Variants in HTR2C observed in about 807,000 individuals in gnomAD.
The protein encoded by HTR2C is 5-hydroxytryptamine (serotonin) receptor 2C, G protein-coupled.
In HTR2C, 5 loss-of-function variants were observed where a neutral mutation model predicts 21.0. The ratio of observed to expected loss-of-function variants is 0.24; its 90% CI spans 0.12 to 0.50. The LOEUF is 0.50. Ranked by LOEUF, HTR2C falls within the 20% of genes least tolerant of loss-of-function variation. The pLI is 0.98. For synonymous variants in HTR2C, 150 were observed against 145.3 expected (o/e 1.03, Z -0.23); for missense variants, 271 against 371.2 (o/e 0.73, Z 2.22).
At chrX:114,725,942 T>C (rs1175541809) in intron 2 of HTR2C, among the ~76,000 whole-genome samples, 1 of 108,739 alleles carries the variant, frequency 9.2e-6, no homozygotes, top group Non-Finnish European at 1.9e-5. Context: ...GACATTTAAG[T>C]CTGCAGAGGT....
At chrX:114,737,761 T>G (rs1479628280) in intron 4 of HTR2C, among the ~76,000 whole-genome samples, 2 of 111,523 alleles carry the variant, frequency 1.8e-5, no homozygotes, top group East Asian at 5.7e-4. Context: ...CCATGAGATG[T>G]AAAAGGAAAC....
intron 4 of HTR2C, among the ~76,000 whole-genome samples, chrX:114,778,755 A>G (rs1475514374): frequency 9.0e-6 from 1 of 111,297 alleles, no homozygotes; most frequent in African/African-American, 3.3e-5. Context: ...ATAGAAACAG[A>G]GCTATCTAGA....
intron 1 of HTR2C, among the ~76,000 whole-genome samples, chrX:114,604,335 G>A (rs1347952264): frequency 9.0e-6 from 1 of 110,538 alleles, no homozygotes; most frequent in Non-Finnish European, 1.9e-5. Flanking sequence ...TATTGTCTAA[G>A]TTGGCACCAG....
At chrX:114,719,991 C>T (rs185587424) in intron 2 of HTR2C, among the ~76,000 whole-genome samples, 42 of 111,600 alleles carry the variant, frequency 3.8e-4, no homozygotes, top group Non-Finnish European at 3.8e-4. Flanking sequence ...TATTGAAAAT[C>T]ATTTTAATAC....
At chrX:114,659,810 T>C (rs1211033546) in intron 2 of HTR2C, among the ~76,000 whole-genome samples, 2 of 111,536 alleles carry the variant, frequency 1.8e-5, no homozygotes, top group African/African-American at 6.5e-5. Flanking sequence ...GATAGTTATC[T>C]TCCAATGATA....
intron 4 of HTR2C, among the ~76,000 whole-genome samples, chrX:114,733,919 A>G (rs1197843990): frequency 3.6e-5 from 4 of 111,189 alleles, no homozygotes; most frequent in Admixed American, 1.9e-4. Flanking sequence ...TTTGATGAAC[A>G]TTCCCTCCAA....
At chrX:114,812,759 A>C (rs928972056) in intron 4 of HTR2C, among the ~76,000 whole-genome samples, 90 of 110,378 alleles carry the variant, frequency 8.2e-4, no homozygotes, top group African/African-American at 2.8e-3. Context: ...CAAACAAAAA[A>C]AAAAACAAAA....
intron 2 of HTR2C, among the ~76,000 whole-genome samples, chrX:114,706,459 A>G (rs1193745260): frequency 9.3e-5 from 1 of 10,807 alleles, no homozygotes; most frequent in East Asian, 0.083. Context: ...ATTGCAAGGA[A>G]AAAAAACCAA....
chrX:114,837,151 T>G (rs782537990), intron 4 of HTR2C, among the ~76,000 whole-genome samples: 1 of 112,360 alleles, frequency 8.9e-6, no homozygotes, highest in Non-Finnish European at 1.9e-5. Context: ...ATTTTCTCCT[T>G]ATTTGTTTAC....
chrX:114,852,845 G>A (rs781806377), intron 5 of HTR2C, among the ~76,000 whole-genome samples: 4 of 109,651 alleles, frequency 3.6e-5, no homozygotes, highest in South Asian at 3.9e-4. Flanking sequence ...TTGTGTGCGC[G>A]CGCGCGTGCA....
chrX:114,762,649 T>C (rs2069892380), intron 4 of HTR2C, among the ~76,000 whole-genome samples: 1 of 112,044 alleles, frequency 8.9e-6, no homozygotes, highest in Non-Finnish European at 1.9e-5. Flanking sequence ...GAATTTTGCC[T>C]GCAGATAAAT....
intron 2 of HTR2C, among the ~76,000 whole-genome samples, chrX:114,682,904 C>T (rs782137255): frequency 1.6e-4 from 18 of 111,823 alleles, no homozygotes; most frequent in Non-Finnish European, 2.6e-4. Context: ...TCACTTCATT[C>T]GAAGATATCT....
chrX:114,611,145 C>T (rs1569477956), intron 1 of HTR2C, among the ~76,000 whole-genome samples: 1 of 111,641 alleles, frequency 9.0e-6, no homozygotes, highest in African/African-American at 3.3e-5. Flanking sequence ...ATAAATTCTT[C>T]GTGAATAAAT....
At chrX:114,719,344 GATTGA>G (rs1933110515) in intron 2 of HTR2C, among the ~76,000 whole-genome samples, 1 of 110,848 alleles carries the variant, frequency 9.0e-6, no homozygotes, top group South Asian at 3.7e-4. Flanking sequence ...TTCTGTTATT[GATTGA>G]TCTTATCCAA....
At chrX:114,886,092 C>T (rs998894025) in intron 5 of HTR2C, among the ~76,000 whole-genome samples, 3 of 110,767 alleles carry the variant, frequency 2.7e-5, no homozygotes, top group African/African-American at 9.8e-5. Context: ...GACCCTTTAC[C>T]ATTATAAAAT....
chrX:114,676,374 A>G (rs12690355), intron 2 of HTR2C, among the ~76,000 whole-genome samples: 14,799 of 111,429 alleles, frequency 0.13, 801 homozygotes, highest in South Asian at 0.3. Flanking sequence ...ATCTTGTGAT[A>G]TAATTACCTC....
chrX:114,629,133 G>A (rs1017925139), intron 2 of HTR2C, among the ~76,000 whole-genome samples: 6 of 111,463 alleles, frequency 5.4e-5, no homozygotes, highest in African/African-American at 2.0e-4. Flanking sequence ...GTTTAGAAAC[G>A]GGTCTCCATT....
chrX:114,611,376 T>C (rs1485469220), intron 1 of HTR2C, among the ~76,000 whole-genome samples: 2 of 112,255 alleles, frequency 1.8e-5, no homozygotes, highest in Non-Finnish European at 3.8e-5. Context: ...ATGCGATGTA[T>C]AATTCTTGTT....
At chrX:114,655,593 T>C (rs1241577159) in intron 2 of HTR2C, among the ~76,000 whole-genome samples, 1 of 111,738 alleles carries the variant, frequency 8.9e-6, no homozygotes, top group Non-Finnish European at 1.9e-5. Context: ...ATGAAAATAA[T>C]TTTACAGCTA....
Sources: allele counts gnomAD v4.1 joint callset (sites outside exome capture counted in the v4.1 genomes callset), GRCh38; gene constraint gnomAD v4.1.1; transcripts MANE v1.5; gene names NCBI Gene and HGNC (gene_info 2026-07-23, HGNC 2026-07-21).